FGF2: variants seen among roughly 807,000 people sequenced by gnomAD.
FGF2 encodes the protein fibroblast growth factor 2, also known as basic fibroblast growth factor bFGF.
FGF2 carries 13 observed loss-of-function variants against 15.9 expected under a neutral mutation model. The ratio of observed to expected loss-of-function variants is 0.82; its 90% CI spans 0.53 to 1.30. The LOEUF is 1.30. Ranked by LOEUF, FGF2 falls within the 50% of genes most tolerant of loss-of-function variation. The pLI, the probability that FGF2 is intolerant of heterozygous loss-of-function variation, is 0.00. For missense variants in FGF2, 163 were observed against 196.9 expected (o/e 0.83, Z 1.03); for synonymous variants, 90 against 78.4 (o/e 1.15, Z -0.78).
Position 122,892,566 on chromosome 4 carries a change from A to C in FGF2, c.*170A>C, listed in dbSNP as rs1481852001. Reference sequence around the variant, plus strand: ...AACCATTGTCCCAGTAAAGAAAAATAACAAAAGTTGTAAAATGTATATTCT... The same window carrying C: ...AACCATTGTCCCAGTAAAGAAAAATCACAAAAGTTGTAAAATGTATATTCT... On this transcript the variant is annotated 3_prime_UTR_variant, in exon 3 of 3. Transcript: ENST00000644866. 3.4e-5 allele frequency: 50 copies of C among 1,454,594 alleles called. No individual in the cohort carries two copies. In the Middle Eastern group the frequency reaches 7.5e-4, roughly 22 times the overall value. 90.1% of individuals were successfully genotyped at this position (1,454,594 alleles called of 1,614,324 possible).
rs1489013984 is a variant in FGF2 at position 122,831,546 on chromosome 4, A to C, written c.178+4194A>C. On this transcript the variant is annotated intron_variant, in intron 1 of 2. Coordinates refer to ENST00000644866, the MANE Select transcript of FGF2 (RefSeq NM_001361665.2). ...ATTTTACTTAATGAACGTGATATTT[A>C]CTGTAATAAATATTGGGTGCAGTAA... Among the ~76,000 whole-genome samples, 3 of 152,366 alleles carry C rather than the reference A, an allele frequency of 2.0e-5. No homozygotes were observed. In the East Asian group the frequency reaches 5.8e-4, roughly 29 times the overall value.
intron 2 of FGF2, among the ~76,000 whole-genome samples, chr4:122,881,128 T>C (rs1386679425): frequency 6.6e-6 from 1 of 152,184 alleles, no homozygotes; most frequent in African/African-American, 2.4e-5. Context: ...GTCCCTAGAC[T>C]GTACATAGCA....
At chr4:122,883,524 A>C (rs1727000121) in intron 2 of FGF2, among the ~76,000 whole-genome samples, 4 of 152,216 alleles carry the variant, frequency 2.6e-5, no homozygotes. Flanking sequence ...TTTAATGCAC[A>C]ACAGACTTCT....
At chr4:122,874,883 A>C (rs1387747735) in intron 1 of FGF2, among the ~76,000 whole-genome samples, 1 of 152,148 alleles carries the variant, frequency 6.6e-6, no homozygotes, top group Non-Finnish European at 1.5e-5. Context: ...TTCAAATGAT[A>C]ATATGCTGAT....
At chr4:122,828,025 C>T (rs1421723379) in intron 1 of FGF2, among the ~76,000 whole-genome samples, 1 of 152,198 alleles carries the variant, frequency 6.6e-6, no homozygotes, top group Non-Finnish European at 1.5e-5. Context: ...GCTTTGAGAC[C>T]TTGAGCCGAC....
intron 1 of FGF2, among the ~76,000 whole-genome samples, chr4:122,871,449 T>C (rs934828689): frequency 1.3e-5 from 2 of 152,028 alleles, no homozygotes; most frequent in Admixed American, 1.3e-4. Context: ...CATAGGAGTC[T>C]AAGTCTCTTT....
intron 2 of FGF2, among the ~76,000 whole-genome samples, chr4:122,880,371 C>T (rs1036596441): frequency 1.3e-5 from 2 of 151,838 alleles, no homozygotes; most frequent in Admixed American, 1.3e-4. Context: ...CTCAGCCTCC[C>T]GAGCAGCTGA....
chr4:122,845,941 C>CT (rs1322047491), intron 1 of FGF2, among the ~76,000 whole-genome samples: 2 of 152,226 alleles, frequency 1.3e-5, no homozygotes, highest in African/African-American at 4.8e-5. Flanking sequence ...TTTGACCTAT[C>CT]TCGGCTTTCA....
At position 122,892,608 on chromosome 4, in the gene FGF2, C is replaced by T; in HGVS notation, c.*212C>T. On this transcript the variant is annotated 3_prime_UTR_variant, in exon 3 of 3. Coordinates refer to ENST00000644866, the MANE Select transcript of FGF2 (RefSeq NM_001361665.2). ...GTATATTCTCCCTTTTATATTGCAT[C>T]TGCTGTTACCCAGTGAAGCTTACCT... 1 of 1,434,720 alleles carries T rather than the reference C, an allele frequency of 7.0e-7. No individual in the cohort carries two copies. 88.9% of individuals were successfully genotyped at this position (1,434,720 alleles called of 1,614,324 possible). A position where few individuals can be genotyped will look rare whatever the true frequency, so the allele number is the denominator to read the frequency against.
intron 1 of FGF2, among the ~76,000 whole-genome samples, chr4:122,870,381 T>C (rs1314605684): frequency 6.6e-6 from 1 of 152,210 alleles, no homozygotes; most frequent in Non-Finnish European, 1.5e-5. Context: ...TTCAATTGTT[T>C]GGAATAGTTT....
intron 1 of FGF2, among the ~76,000 whole-genome samples, chr4:122,857,592 G>T (rs961200500): frequency 6.6e-6 from 1 of 152,188 alleles, no homozygotes; most frequent in African/African-American, 2.4e-5. Context: ...AGCTATTTGG[G>T]CATTGTGTTA....
chr4:122,837,249 G>A (rs1725885495), intron 1 of FGF2, among the ~76,000 whole-genome samples: 2 of 152,256 alleles, frequency 1.3e-5, no homozygotes, highest in South Asian at 4.2e-4. Context: ...TGTCTGCAAG[G>A]GTGGGTGGGA....
chr4:122,840,650 C>T (rs182228921), intron 1 of FGF2: 78 of 193,054 alleles, frequency 4.0e-4, no homozygotes, highest in African/African-American at 1.7e-3. Flanking sequence ...CGATTTAGAC[C>T]TGTGGGTGCT....
chr4:122,869,535 T>C (rs1436784445), intron 1 of FGF2, among the ~76,000 whole-genome samples: 3 of 152,222 alleles, frequency 2.0e-5, no homozygotes, highest in Admixed American at 6.5e-5. Context: ...GTAGTTCTCC[T>C]TGAAGAGGTC....
chr4:122,884,005 G>A (rs906375021), intron 2 of FGF2, among the ~76,000 whole-genome samples: 7 of 152,160 alleles, frequency 4.6e-5, no homozygotes, highest in African/African-American at 1.4e-4. Flanking sequence ...AGATATCTGA[G>A]AGCCCAATTA....
chr4:122,850,742 G>T (rs1425249164), intron 1 of FGF2, among the ~76,000 whole-genome samples: 1 of 152,124 alleles, frequency 6.6e-6, no homozygotes, highest in Non-Finnish European at 1.5e-5. Flanking sequence ...TCAGAGAGCG[G>T]TTCCAAATCT....
At chr4:122,849,004 G>T (rs2150770333) in intron 1 of FGF2, among the ~76,000 whole-genome samples, 1 of 152,244 alleles carries the variant, frequency 6.6e-6, no homozygotes, top group South Asian at 2.1e-4. Flanking sequence ...TCCCTTACTT[G>T]CTTCCTGGAC....
intron 1 of FGF2, among the ~76,000 whole-genome samples, chr4:122,860,017 C>G (rs1182949684): frequency 6.6e-6 from 1 of 152,142 alleles, no homozygotes; most frequent in African/African-American, 2.4e-5. Context: ...TCCTGGTTTC[C>G]TACTTCTGAC....
chr4:122,869,762 T>C (rs910143391), intron 1 of FGF2, among the ~76,000 whole-genome samples: 12 of 152,214 alleles, frequency 7.9e-5, no homozygotes, highest in African/African-American at 2.7e-4. Context: ...TTTCTAAATA[T>C]ACAATCATGT....
Sources: allele counts gnomAD v4.1 joint callset (sites outside exome capture counted in the v4.1 genomes callset), GRCh38; gene constraint gnomAD v4.1.1; transcripts MANE v1.5; gene names NCBI Gene and HGNC (gene_info 2026-07-23, HGNC 2026-07-21).